The following HEATR5A variants were observed in gnomAD, a reference collection of about 807,000 sequenced individuals.
The protein encoded by HEATR5A is HEAT repeat-containing protein 5A.
HEATR5A carries 178 observed loss-of-function variants against 218.8 expected under a neutral mutation model. The observed-to-expected ratio is 0.81, with a 90% CI of 0.72 to 0.92. The LOEUF (loss-of-function observed/expected upper bound fraction) is 0.92, where lower values mean the gene tolerates loss of function less well. Among genes scored for constraint, HEATR5A ranks in the 40% least tolerant of loss-of-function variants. The pLI, the probability that HEATR5A is intolerant of heterozygous loss-of-function variation, is 0.00. For missense variants in HEATR5A, 2,420 were observed against 2,418.9 expected (o/e 1.00, Z -0.01); for synonymous variants, 864 against 871.6 (o/e 0.99, Z 0.15).
chr14:31,318,193 A>C (rs571864286), intron 26 of HEATR5A, 31 bp downstream of exon 26: 25 of 1,589,482 alleles, frequency 1.6e-5, no homozygotes, highest in Admixed American at 1.2e-4. Context: ...TCCCAAGATT[A>C]TCTCTTAAGC....
rs1393352142 is a variant in HEATR5A, at chr14:31,352,612, A to G, written c.2412-1895T>C. 5.3e-5 allele frequency among the ~76,000 whole-genome samples: 8 copies of G among 152,314 alleles called. No homozygotes were observed. The East Asian group carries it at 1.5e-3, about 29-fold the overall frequency. On this transcript the variant is annotated intron_variant, in intron 16 of 35. Coordinates refer to ENST00000543095, the MANE Select transcript of HEATR5A (RefSeq NM_015473.4). ...GAGTAAAAAGGAAGGTATCGAGGCT[A>G]TGTGTACATCATAAGGGTTGGGGAA... is the stretch of plus-strand genomic sequence containing the variant.
Position 31,417,141 on chromosome 14 carries a change from T to C in HEATR5A, c.-75+3331A>G, listed in dbSNP as rs1431905435. 2.6e-5 allele frequency among the ~76,000 whole-genome samples: 4 copies of C among 152,108 alleles called. No individual in the cohort carries two copies. In the East Asian group the frequency reaches 7.7e-4, roughly 29 times the overall value. ...TTACTGCTGCTTATGATAAACCCTA[T>C]GAATGGCATAGTAAAAAGAGAGAAG... On this transcript the variant is annotated intron_variant, in intron 1 of 35. Transcript: ENST00000543095.
Position 31,419,124 on chromosome 14 carries a change from A to G in HEATR5A, c.-75+1348T>C, listed in dbSNP as rs538871030. Among the ~76,000 whole-genome samples, 44 of 152,288 alleles carry G rather than the reference A, an allele frequency of 2.9e-4. 1 individual carries two copies. The South Asian group carries it at 8.5e-3, about 29-fold the overall frequency. ...GTGGAGGGAACTTAAGCTAGAATTC[A>G]GGTCTCCTGACTTTCAGGTGAGGAG... On this transcript the variant is annotated intron_variant, in intron 1 of 35. Coordinates refer to ENST00000543095, the MANE Select transcript of HEATR5A (RefSeq NM_015473.4).
chr14:31,293,666 GC>G (rs1899087857), intron 35 of HEATR5A, 54 bp from the exon 36 acceptor site: 1 of 1,452,808 alleles, frequency 6.9e-7, no homozygotes, highest in African/African-American at 1.4e-5. Flanking sequence ...TCTAACAAAA[GC>G]CTGCAAATGC....
At chr14:31,413,378 C>T (rs1398331647) in intron 1 of HEATR5A, among the ~76,000 whole-genome samples, 1 of 149,630 alleles carries the variant, frequency 6.7e-6, no homozygotes, top group East Asian at 1.9e-4. Context: ...TGAATTTACT[C>T]TGCCTTCTTT....
At chr14:31,351,058 G>T (rs772043891) in intron 16 of HEATR5A, among the ~76,000 whole-genome samples, 7 of 152,164 alleles carry the variant, frequency 4.6e-5, no homozygotes, top group Admixed American at 1.3e-4. Context: ...TGGGATTACA[G>T]GTGTGAACCA....
At chr14:31,300,919 G>T (rs192691473) in intron 33 of HEATR5A, among the ~76,000 whole-genome samples, 2 of 152,150 alleles carry the variant, frequency 1.3e-5, no homozygotes, top group East Asian at 3.9e-4. Flanking sequence ...AAACCAGTTA[G>T]AATTTTTTTT....
chr14:31,350,084 G>T, intron 17 of HEATR5A, 105 bp from the exon 18 acceptor site: 1 of 627,470 alleles, frequency 1.6e-6, no homozygotes, highest in South Asian at 3.6e-5. Context: ...TTCATACTTG[G>T]ATTACTACTT....
chr14:31,412,330 C>T (rs1446494913), intron 1 of HEATR5A, among the ~76,000 whole-genome samples: 2 of 151,280 alleles, frequency 1.3e-5, no homozygotes, highest in Admixed American at 6.6e-5. Flanking sequence ...CAGCCAGGTG[C>T]GGTGGCCTGT....
In HEATR5A at chr14:31,366,711, C is replaced by T. The variant is rs564173751; in HGVS notation, c.1962-2413G>A. Among the ~76,000 whole-genome samples the T allele has an allele frequency of 1.8e-4, 27 of 152,158 alleles. 1 individual carries two copies. In the South Asian group the frequency reaches 5.4e-3, roughly 30 times the overall value. On this transcript the variant is annotated intron_variant, in intron 13 of 35. Transcript: ENST00000543095. Reference sequence around the variant, plus strand: ...CTTACAGAAAGAGACTTTTCTGAGGCCAACCAGCCCCTATGCCAATAAAAG... The same window carrying T: ...CTTACAGAAAGAGACTTTTCTGAGGTCAACCAGCCCCTATGCCAATAAAAG...
intron 23 of HEATR5A, among the ~76,000 whole-genome samples, 160 bp from the exon 24 acceptor site, chr14:31,323,964 T>A (rs1181441815): frequency 6.6e-6 from 1 of 152,126 alleles, no homozygotes; most frequent in Non-Finnish European, 1.5e-5. Context: ...TAATTAGGTC[T>A]AATAACTACA....
chr14:31,373,421 C>T (rs11847480), intron 12 of HEATR5A, among the ~76,000 whole-genome samples: 3,446 of 151,544 alleles, frequency 0.023, 123 homozygotes, highest in African/African-American at 0.079. Flanking sequence ...CTCTGCCTCT[C>T]GGGTTCAAAC....
In HEATR5A at chr14:31,418,906, G is replaced by C. The variant is rs2031546306; in HGVS notation, c.-75+1566C>G. ...TGAAACAAAGCAAGAAGAAAGGTAA[G>C]TGTATTGGTTAAAGACAAGTAAAAA... On this transcript the variant is annotated intron_variant, in intron 1 of 35. Coordinates refer to ENST00000543095, the MANE Select transcript of HEATR5A (RefSeq NM_015473.4). Among the ~76,000 whole-genome samples the C allele has an allele frequency of 3.3e-5, 5 of 152,110 alleles. No individual in the cohort carries two copies. In the South Asian group the frequency reaches 1.0e-3, roughly 31 times the overall value.
chr14:31,307,385 T>TCCCATGG lies in HEATR5A; in HGVS notation c.4818+501_4818+507dup, dbSNP rs1429917456. 3.3e-5 allele frequency among the ~76,000 whole-genome samples: 5 copies of TCCCATGG among 152,274 alleles called. No individual in the cohort carries two copies. The East Asian group carries it at 9.6e-4, about 29-fold the overall frequency. Reference sequence around the variant, plus strand: ...ACCATACTTTGTACAGGAACCCTTTTCCCATGGCCACACCCAAGTCAGATA... The same window carrying TCCCATGG: ...ACCATACTTTGTACAGGAACCCTTTTCCCATGGCCCATGGCCACACCCAAGTCAGATA... On this transcript the variant is annotated intron_variant, in intron 30 of 35. Coordinates refer to ENST00000543095, the MANE Select transcript of HEATR5A (RefSeq NM_015473.4).
chr14:31,314,021 C>G (rs965118050), intron 27 of HEATR5A, among the ~76,000 whole-genome samples: 4 of 152,186 alleles, frequency 2.6e-5, no homozygotes, highest in South Asian at 2.1e-4. Flanking sequence ...CATCTCAGCT[C>G]ACTGCAACCT....
chr14:31,305,141 T>A lies in HEATR5A; in HGVS notation c.5003A>T (p.Glu1668Val), dbSNP rs754663399. 25 of 1,613,818 alleles carry A rather than the reference T, an allele frequency of 1.5e-5. No homozygotes were observed. Among genetic ancestry groups the A allele is most frequent in the Non-Finnish European group, 2.1e-5 (25 of 1,179,884 alleles). ...TCCGGTGTCCTTTCCCTCTCCAAACTCTGGCAGAGTTTCCTTTTCAGCAGC... is the reference window on the plus strand; with the variant it reads ...TCCGGTGTCCTTTCCCTCTCCAAACACTGGCAGAGTTTCCTTTTCAGCAGC... ...DGAAEKETLP[E>V]FGEGKDTGGL... is the part of the protein sequence containing the mutation. The change falls in exon 32 of 36, where the codon GAG becomes GTG. Residue 1668 changes from glutamate (E) to valine (V), a missense_variant. Glu to Val is a moderately radical substitution (Grantham distance 121, BLOSUM62 -2). Coordinates refer to ENST00000543095, the MANE Select transcript of HEATR5A (RefSeq NM_015473.4).
At position 31,374,970 on chromosome 14, in the gene HEATR5A, T is replaced by C. The variant is rs1902173329; in HGVS notation, c.1709-2A>G. On this transcript the variant is annotated splice_acceptor_variant, in intron 11 of 35. Coordinates refer to ENST00000543095, the MANE Select transcript of HEATR5A (RefSeq NM_015473.4). LOFTEE classifies it high-confidence loss of function. ...GGTGATGGCTAACAACTGCAGGACC[T>C]GTAATTTATTCAACTTGTCACTTGT... 1.3e-6 allele frequency: 2 copies of C among 1,595,180 alleles called. No homozygotes were observed. Among genetic ancestry groups the C allele is most frequent in the African/African-American group, 1.3e-5 (1 of 74,378 alleles).
chr14:31,377,976 T>C lies in HEATR5A; in HGVS notation c.1708+2491A>G, dbSNP rs572811694. On this transcript the variant is annotated intron_variant, in intron 11 of 35. Transcript: ENST00000543095. The stretch of plus-strand genomic sequence containing the variant: ...GAGAAAGGACTTCTTGTTGTCTTCC[T>C]CCAACACAATTAGCTTGTTTTAAAA... Among the ~76,000 whole-genome samples the C allele has an allele frequency of 1.2e-4, 18 of 152,312 alleles. No homozygotes were observed. The South Asian group carries it at 3.7e-3, about 32-fold the overall frequency.
chr14:31,371,940 A>G, intron 12 of HEATR5A, 31 bp from the exon 13 acceptor site: 1 of 1,123,426 alleles, frequency 8.9e-7, no homozygotes, highest in East Asian at 2.6e-5. Flanking sequence ...TTACTTGGGC[A>G]TACTGTAATC....
Sources: gnomAD v4.1 joint callset for allele counts (sites outside exome capture counted in the v4.1 genomes callset) on GRCh38, gnomAD v4.1.1 for gene constraint, MANE v1.5 for transcripts, NCBI Gene and HGNC (gene_info 2026-07-23, HGNC 2026-07-21) for gene names.